The following CEP70 variants were observed in gnomAD, a reference collection of about 807,000 sequenced individuals.
CEP70 encodes the protein centrosomal protein of 70 kDa.
In CEP70, 70 loss-of-function variants were observed where a neutral mutation model predicts 90.9. That is an observed-to-expected ratio of 0.77 (90% confidence interval 0.64 to 0.94). The LOEUF (loss-of-function observed/expected upper bound fraction) is 0.94. Among genes scored for constraint, CEP70 ranks in the 40% least tolerant of loss-of-function variants. CEP70 has a pLI of 0.00. For synonymous variants in CEP70, 220 were observed against 228.3 expected (o/e 0.96, Z 0.33); for missense variants, 648 against 669.0 (o/e 0.97, Z 0.35).
intron 12 of CEP70, among the ~76,000 whole-genome samples, chr3:138,506,162 A>T (rs1248097734): frequency 6.6e-6 from 1 of 152,186 alleles, no homozygotes; most frequent in African/African-American, 2.4e-5. Context: ...ACTCACAAGA[A>T]CATTATCAGA....
In CEP70 at chr3:138,515,684, A is replaced by G. The variant is rs7648160; in HGVS notation, c.945-7140T>C. Among the ~76,000 whole-genome samples the G allele has an allele frequency of 4.7e-3, 723 of 152,338 alleles. 4 individuals carry two copies. Among genetic ancestry groups the G allele is most frequent in the African/African-American group, 0.017 (696 of 41,572 alleles). On this transcript the variant is annotated intron_variant, in intron 11 of 17. Coordinates refer to ENST00000264982, the MANE Select transcript of CEP70 (RefSeq NM_024491.4). ...ATTATAAATAAATTTTAGCAGGTAG[A>G]CAAATTCATAAATATGGAATCTATT... is the stretch of plus-strand genomic sequence containing the variant.
At chr3:138,520,875 A>T (rs1347768498) in intron 11 of CEP70, among the ~76,000 whole-genome samples, 1 of 152,006 alleles carries the variant, frequency 6.6e-6, no homozygotes, top group African/African-American at 2.4e-5. Context: ...GCTGGACTGT[A>T]CTGCCGCGAT....
At chr3:138,559,267 C>T (rs2040227748) in intron 6 of CEP70, among the ~76,000 whole-genome samples, 1 of 151,970 alleles carries the variant, frequency 6.6e-6, no homozygotes, top group Non-Finnish European at 1.5e-5. Context: ...GAATTGGACT[C>T]CTGGGCAAAT....
At chr3:138,499,916 AG>A in intron 16 of CEP70, 193 bp downstream of exon 16, 1 of 514,090 alleles carries the variant, frequency 1.9e-6, no homozygotes, top group Non-Finnish European at 3.6e-6. Context: ...TCACCCCTCC[AG>A]GAACTCTCGA....
intron 6 of CEP70, among the ~76,000 whole-genome samples, chr3:138,556,162 C>G (rs2108000003): frequency 6.6e-6 from 1 of 152,270 alleles, no homozygotes; most frequent in South Asian, 2.1e-4. Context: ...AGTGAAGTAA[C>G]TCAGGAATGG....
intron 6 of CEP70, among the ~76,000 whole-genome samples, chr3:138,548,371 A>C (rs887630820): frequency 3.5e-4 from 53 of 152,194 alleles, no homozygotes; most frequent in African/African-American, 1.2e-3. Context: ...TTCTAAGATC[A>C]TGGTATGTGC....
intron 6 of CEP70, among the ~76,000 whole-genome samples, chr3:138,553,458 C>T (rs372588320): frequency 5.9e-4 from 89 of 149,744 alleles, no homozygotes; most frequent in African/African-American, 1.8e-3. Context: ...CCAGCCTTGG[C>T]GACAGAGAGA....
intron 11 of CEP70, among the ~76,000 whole-genome samples, chr3:138,519,204 G>A (rs1013933961): frequency 6.6e-6 from 1 of 152,202 alleles, no homozygotes; most frequent in East Asian, 1.9e-4. Context: ...ATCTACGTCT[G>A]ATTGATGTAC....
chr3:138,495,411 G>A lies in CEP70; in HGVS notation c.1733-335C>T, dbSNP rs191157003. ...TCTCATTAGATCTGTATCACTACAC[G>A]GGTGCATCTACATGATGAAATCCCA... On this transcript the variant is annotated intron_variant, in intron 17 of 17. Coordinates refer to ENST00000264982, the MANE Select transcript of CEP70 (RefSeq NM_024491.4). Among the ~76,000 whole-genome samples, 7 of 152,270 alleles carry A rather than the reference G, an allele frequency of 4.6e-5. No homozygotes were observed. The East Asian group carries it at 7.7e-4, about 17-fold the overall frequency.
intron 3 of CEP70, among the ~76,000 whole-genome samples, chr3:138,571,590 G>T (rs1177655763): frequency 6.6e-6 from 1 of 152,124 alleles, no homozygotes; most frequent in African/African-American, 2.4e-5. Flanking sequence ...ATACTCATAT[G>T]TAGGCCTCAA....
intron 8 of CEP70, among the ~76,000 whole-genome samples, chr3:138,531,343 T>G (rs1238460661): frequency 6.6e-6 from 1 of 152,108 alleles, no homozygotes; most frequent in Non-Finnish European, 1.5e-5. Flanking sequence ...ATGTTAAATC[T>G]TTTCTACTCT....
At chr3:138,498,359 A>G (rs1331744914) in intron 16 of CEP70, among the ~76,000 whole-genome samples, 2 of 142,204 alleles carry the variant, frequency 1.4e-5, no homozygotes, top group African/African-American at 2.6e-5. Context: ...TTTTTTTGAG[A>G]CAGAGTCTTG....
At chr3:138,523,377 C>T (rs2108802991) in intron 11 of CEP70, among the ~76,000 whole-genome samples, 1 of 152,136 alleles carries the variant, frequency 6.6e-6, no homozygotes, top group Non-Finnish European at 1.5e-5. Context: ...CTGGCCAGGG[C>T]AATCAGGCAG....
chr3:138,500,738 T>G lies in CEP70; in HGVS notation c.1365A>C (p.Glu455Asp). 6.3e-7 allele frequency: 1 copy of G among 1,591,722 alleles called. No homozygotes were observed. Residue 455 changes from glutamate (E) to aspartate (D), a missense_variant, in exon 14 of 18, where the codon GAA becomes GAC. By Grantham distance (45) the Glu-to-Asp change is conservative (BLOSUM62 2). Transcript: ENST00000264982. ...DTMLEEVENKEKDSNMPHFQT... is the reference protein window; with the variant it reads ...DTMLEEVENKDKDSNMPHFQT... Reference sequence around the variant, plus strand: ...TGACCGTTCATGTAGGTATTACCTTTTCCTTATTTTCAACTTCTTCCAGCA... The same window carrying G: ...TGACCGTTCATGTAGGTATTACCTTGTCCTTATTTTCAACTTCTTCCAGCA...
intron 6 of CEP70, among the ~76,000 whole-genome samples, chr3:138,564,218 C>G (rs1466154439): frequency 2.0e-5 from 3 of 152,122 alleles, no homozygotes; most frequent in Non-Finnish European, 4.4e-5. Context: ...AGCCTACCAA[C>G]CAAAAAAAGT....
At position 138,571,110 on chromosome 3, in the gene CEP70, A is replaced by G; in HGVS notation, c.208T>C (p.Leu70=). 6.2e-7 allele frequency: 1 copy of G among 1,605,924 alleles called. No homozygotes were observed. The highest frequency in any genetic ancestry group is 8.5e-7 in the Non-Finnish European group (1 of 1,173,578). Residue 70 remains leucine (L), a synonymous_variant, in exon 5 of 18, where the codon TTG becomes CTG. Transcript: ENST00000264982. ...KQSSQRMRQN[L]KLLVEETSCQ... Reference sequence around the variant, plus strand: ...GATGTTTCTTCCACCAACAATTTCAAATTCTGTCTCATCCTTTGTGATGAC... The same window carrying G: ...GATGTTTCTTCCACCAACAATTTCAGATTCTGTCTCATCCTTTGTGATGAC...
intron 6 of CEP70, among the ~76,000 whole-genome samples, chr3:138,564,782 A>T (rs562506061): frequency 6.6e-6 from 1 of 152,256 alleles, no homozygotes; most frequent in South Asian, 2.1e-4. Flanking sequence ...TTTGAAAACC[A>T]GCACAAAACA....
In CEP70 at chr3:138,555,015, G is replaced by A. The variant is rs1490795732; in HGVS notation, c.465+15303C>T. On this transcript the variant is annotated intron_variant, in intron 6 of 17. Coordinates refer to ENST00000264982, the MANE Select transcript of CEP70 (RefSeq NM_024491.4). ...CATGCCTGTAATCCCAGCACTCTGG[G>A]AGGCGGGTAGATCATCTGAGGTCAG... Among the ~76,000 whole-genome samples, 3 of 152,130 alleles carry A rather than the reference G, an allele frequency of 2.0e-5. No homozygotes were observed. The East Asian group carries it at 5.8e-4, about 29-fold the overall frequency.
intron 6 of CEP70, among the ~76,000 whole-genome samples, chr3:138,569,497 T>C (rs2041017749): frequency 6.6e-6 from 1 of 152,212 alleles, no homozygotes; most frequent in African/African-American, 2.4e-5. Context: ...TAATAGTTTT[T>C]TAAAATTAGG....
Sources: gnomAD v4.1 joint callset for allele counts (sites outside exome capture counted in the v4.1 genomes callset) on GRCh38, gnomAD v4.1.1 for gene constraint, MANE v1.5 for transcripts, NCBI Gene and HGNC (gene_info 2026-07-23, HGNC 2026-07-21) for gene names.